CDH13: variants seen among roughly 807,000 people sequenced by gnomAD.
The protein encoded by CDH13 is cadherin 13.
CDH13 carries 24 observed loss-of-function variants against 63.8 expected under a neutral mutation model. That is an observed-to-expected ratio of 0.38 (90% confidence interval 0.27 to 0.53). The LOEUF is 0.53. Ranked by LOEUF, CDH13 falls within the 20% of genes least tolerant of loss-of-function variation. CDH13 has a pLI of 0.85. For synonymous variants in CDH13, 503 were observed against 355.3 expected (o/e 1.42, Z -4.67); for missense variants, 1,049 against 903.1 (o/e 1.16, Z -2.07).
rs570404625 is a variant in CDH13, at chr16:83,124,541, T to C, written c.367-844T>C. 4.6e-5 allele frequency among the ~76,000 whole-genome samples: 7 copies of C among 151,226 alleles called. No homozygotes were observed. The South Asian group carries it at 1.0e-3, about 23-fold the overall frequency. On this transcript the variant is annotated intron_variant, in intron 3 of 13. Coordinates refer to ENST00000567109, the MANE Select transcript of CDH13 (RefSeq NM_001257.5). Reference sequence around the variant, plus strand: ...TGAATTGTCCATTTTTTTTTTTTTTTGGTCATGTTTGCTTTTGAGGACTAG... The same window carrying C: ...TGAATTGTCCATTTTTTTTTTTTTTCGGTCATGTTTGCTTTTGAGGACTAG...
intron 1 of CDH13, among the ~76,000 whole-genome samples, chr16:82,768,182 A>G (rs192033339): frequency 3.9e-4 from 59 of 152,312 alleles, no homozygotes; most frequent in Non-Finnish European, 6.3e-4. Flanking sequence ...ACATGTGCCT[A>G]ATTTTCTCAA....
At chr16:83,042,420 G>C (rs1045523480) in intron 3 of CDH13, among the ~76,000 whole-genome samples, 13 of 152,172 alleles carry the variant, frequency 8.5e-5, no homozygotes, top group Non-Finnish European at 8.8e-5. Flanking sequence ...AATGCCTGAT[G>C]ATCTGTCACT....
At chr16:83,238,107 C>T (rs1904278663) in intron 5 of CDH13, among the ~76,000 whole-genome samples, 1 of 152,128 alleles carries the variant, frequency 6.6e-6, no homozygotes, top group Non-Finnish European at 1.5e-5. Context: ...AGGAGTGGAT[C>T]CCTTTTTCCT....
chr16:83,265,800 T>C (rs1056808427), intron 5 of CDH13, among the ~76,000 whole-genome samples: 1 of 151,092 alleles, frequency 6.6e-6, no homozygotes, highest in Middle Eastern at 3.5e-3. Context: ...TGTGAATCTT[T>C]GCTGCCGTTG....
intron 1 of CDH13, among the ~76,000 whole-genome samples, chr16:82,720,039 T>C (rs2032664110): frequency 6.6e-6 from 1 of 152,090 alleles, no homozygotes; most frequent in South Asian, 2.1e-4. Context: ...CCAAACTTCT[T>C]AATAAAGACC....
chr16:82,669,265 A>G (rs1277243485), intron 1 of CDH13, among the ~76,000 whole-genome samples: 1 of 152,210 alleles, frequency 6.6e-6, no homozygotes, highest in Non-Finnish European at 1.5e-5. Context: ...GAAGTTCCAG[A>G]TCCAAGGACA....
At chr16:83,336,727 A>G (rs1479087083) in intron 5 of CDH13, among the ~76,000 whole-genome samples, 1 of 152,174 alleles carries the variant, frequency 6.6e-6, no homozygotes, top group African/African-American at 2.4e-5. Context: ...GAGGTCATCA[A>G]ACTGTTTTCT....
At chr16:82,783,745 C>T (rs902599208) in intron 1 of CDH13, among the ~76,000 whole-genome samples, 12 of 152,140 alleles carry the variant, frequency 7.9e-5, no homozygotes, top group African/African-American at 2.9e-4. Flanking sequence ...GGCTTCTCCA[C>T]ACCTAGGATT....
chr16:83,260,916 G>T (rs1357702215), intron 5 of CDH13, among the ~76,000 whole-genome samples: 1 of 152,130 alleles, frequency 6.6e-6, no homozygotes, highest in Non-Finnish European at 1.5e-5. Flanking sequence ...GGATGCACCA[G>T]GTCTTGGGGG....
chr16:82,912,366 C>T (rs889264582), intron 2 of CDH13, among the ~76,000 whole-genome samples: 5 of 152,180 alleles, frequency 3.3e-5, no homozygotes, highest in African/African-American at 1.2e-4. Context: ...TATGGGTCTC[C>T]ACAATAACCA....
chr16:83,366,719 GT>G (rs777662891), intron 6 of CDH13, among the ~76,000 whole-genome samples: 14 of 152,126 alleles, frequency 9.2e-5, no homozygotes, highest in Non-Finnish European at 1.9e-4. Flanking sequence ...TAATGTACTT[GT>G]TTTGGAATAT....
At chr16:83,118,993 C>T (rs150925931) in intron 3 of CDH13, among the ~76,000 whole-genome samples, 1 of 152,270 alleles carries the variant, frequency 6.6e-6, no homozygotes, top group African/African-American at 2.4e-5. Flanking sequence ...CTTTCCATAG[C>T]TCTCCTTTTC....
At chr16:83,267,699 GC>G (rs1439071841) in intron 5 of CDH13, among the ~76,000 whole-genome samples, 1 of 152,182 alleles carries the variant, frequency 6.6e-6, no homozygotes, top group Non-Finnish European at 1.5e-5. Context: ...TTACGATGGA[GC>G]AAGGAGGCCT....
At chr16:82,718,041 T>C (rs1388720625) in intron 1 of CDH13, among the ~76,000 whole-genome samples, 1 of 152,154 alleles carries the variant, frequency 6.6e-6, no homozygotes, top group Non-Finnish European at 1.5e-5. Flanking sequence ...CCTGCAACGA[T>C]GATTTGTGTG....
At chr16:83,027,112 CCCA>C (rs1915887774) in intron 2 of CDH13, among the ~76,000 whole-genome samples, 1 of 144,296 alleles carries the variant, frequency 6.9e-6, no homozygotes, top group Non-Finnish European at 1.5e-5. Context: ...ACCCCCCCCC[CCCA>C]CCGCCCCGCC....
At chr16:82,975,475 C>T (rs1909369895) in intron 2 of CDH13, among the ~76,000 whole-genome samples, 1 of 152,206 alleles carries the variant, frequency 6.6e-6, no homozygotes, top group African/African-American at 2.4e-5. Flanking sequence ...GCATCCTTCT[C>T]CCTGTGACAG....
chr16:82,824,131 A>T (rs181338527), intron 1 of CDH13: 1 of 152,236 alleles, frequency 6.6e-6, no homozygotes, highest in South Asian at 2.1e-4. Flanking sequence ...AGAAGCCAGT[A>T]TGAGTAGCTC....
chr16:83,180,918 A>T, intron 4 of CDH13: 2 of 1,531,796 alleles, frequency 1.3e-6, no homozygotes, highest in Non-Finnish European at 8.7e-7. Flanking sequence ...TGAAGGCATT[A>T]CAGCAGATTT....
At chr16:83,009,873 C>T (rs993618971) in intron 2 of CDH13, among the ~76,000 whole-genome samples, 6 of 152,108 alleles carry the variant, frequency 3.9e-5, no homozygotes, top group Admixed American at 1.3e-4. Context: ...GTGGCTCACG[C>T]CTGTAATCTC....
Sources: gnomAD v4.1 joint callset for allele counts (sites outside exome capture counted in the v4.1 genomes callset) on GRCh38, gnomAD v4.1.1 for gene constraint, MANE v1.5 for transcripts, NCBI Gene and HGNC (gene_info 2026-07-23, HGNC 2026-07-21) for gene names.